Variants in CACNA2D3 observed in about 807,000 individuals in gnomAD.
CACNA2D3 encodes the protein voltage-dependent calcium channel subunit alpha-2/delta-3.
In CACNA2D3, 60 loss-of-function variants were observed where a neutral mutation model predicts 160.6. The ratio of observed to expected loss-of-function variants is 0.37; its 90% CI spans 0.30 to 0.46. CACNA2D3 has a LOEUF of 0.46. Ranked by LOEUF, CACNA2D3 falls within the 20% of genes least tolerant of loss-of-function variation. The pLI is 1.00. For synonymous variants in CACNA2D3, 558 were observed against 492.9 expected (o/e 1.13, Z -1.75); for missense variants, 1,205 against 1,365.0 (o/e 0.88, Z 1.85).
chr3:54,889,524 A>G (rs916871973), intron 24 of CACNA2D3, among the ~76,000 whole-genome samples: 1 of 152,040 alleles, frequency 6.6e-6, no homozygotes, highest in Non-Finnish European at 1.5e-5. Flanking sequence ...TCCCAGGTTT[A>G]TATCATGAGC....
At chr3:54,483,108 G>A (rs1700959876) in intron 4 of CACNA2D3, among the ~76,000 whole-genome samples, 1 of 152,196 alleles carries the variant, frequency 6.6e-6, no homozygotes, top group Admixed American at 6.5e-5. Flanking sequence ...GGCATTGAGA[G>A]CATGCGATTG....
chr3:54,354,600 A>C (rs988209689), intron 3 of CACNA2D3, among the ~76,000 whole-genome samples: 5 of 152,176 alleles, frequency 3.3e-5, no homozygotes, highest in African/African-American at 1.2e-4. Flanking sequence ...TCTTACTTCT[A>C]AGCAAAGCCA....
rs1701881312 is a variant in CACNA2D3 at position 54,752,627 on chromosome 3, G to A, written c.1196G>A (p.Arg399Gln). Residue 399 changes from arginine to glutamine, a missense_variant, in exon 12 of 38, where the codon CGA (arginine) becomes CAA (glutamine). By Grantham distance (43) the Arg-to-Gln change is conservative. This residue lies in a region of CACNA2D3 where 911 missense variants were observed against 1,002.2 expected (regional missense o/e 0.91). Coordinates refer to ENST00000474759, the MANE Select transcript of CACNA2D3 (RefSeq NM_018398.3). ...KVRIFTYLIG[R>Q]EAAFADNLKW... ...CGCATCTTCACATACCTCATTGGAC[G>A]AGAGGCTGCGTTTGCAGACAATCTA... 5.0e-6 allele frequency: 8 copies of A among 1,613,556 alleles called. No homozygotes were observed. The highest frequency in any genetic ancestry group is 6.8e-6 in the Non-Finnish European group (8 of 1,179,742).
At chr3:54,759,055 C>T (rs191514871) in intron 12 of CACNA2D3, among the ~76,000 whole-genome samples, 4 of 152,272 alleles carry the variant, frequency 2.6e-5, no homozygotes, top group Non-Finnish European at 4.4e-5. Flanking sequence ...ATCTCAGAAA[C>T]ACAAAGCACT....
chr3:54,817,343 A>G (rs571270775), intron 14 of CACNA2D3, among the ~76,000 whole-genome samples: 9 of 152,190 alleles, frequency 5.9e-5, no homozygotes, highest in Non-Finnish European at 1.0e-4. Flanking sequence ...TAGCTTCATC[A>G]TCCCAGAGAC....
chr3:54,611,913 G>A (rs963959106), intron 9 of CACNA2D3, among the ~76,000 whole-genome samples: 2 of 152,158 alleles, frequency 1.3e-5, no homozygotes, highest in Non-Finnish European at 2.9e-5. Context: ...TTTATCTTTC[G>A]AAAAGGATCA....
chr3:54,669,363 T>C (rs1299518770), intron 11 of CACNA2D3, among the ~76,000 whole-genome samples: 1 of 152,214 alleles, frequency 6.6e-6, no homozygotes, highest in Non-Finnish European at 1.5e-5. Context: ...GATGATCTCT[T>C]TTCATGAGGG....
At chr3:54,903,395 T>C (rs1382849328) in intron 27 of CACNA2D3, among the ~76,000 whole-genome samples, 4 of 152,252 alleles carry the variant, frequency 2.6e-5, no homozygotes, top group African/African-American at 7.2e-5. Flanking sequence ...CTCATTCTTT[T>C]TTTATGGCTG....
chr3:54,515,174 C>CTGTG (rs34453702), intron 5 of CACNA2D3, among the ~76,000 whole-genome samples: 7,850 of 134,260 alleles, frequency 0.058, 282 homozygotes, highest in East Asian at 0.16. Flanking sequence ...GTGTGTGTGT[C>CTGTG]TGTGTGTGTG....
intron 21 of CACNA2D3, 27 bp from the exon 22 acceptor site, chr3:54,885,254 C>A: frequency 1.5e-5 from 24 of 1,613,104 alleles, no homozygotes; most frequent in Non-Finnish European, 2.0e-5. Flanking sequence ...GATACTTATT[C>A]ATGAACCCCT....
At chr3:54,488,682 C>G (rs1701057929) in intron 4 of CACNA2D3, among the ~76,000 whole-genome samples, 1 of 152,166 alleles carries the variant, frequency 6.6e-6, no homozygotes, top group Non-Finnish European at 1.5e-5. Flanking sequence ...CTTCAACAGT[C>G]TCTACTGAGT....
intron 11 of CACNA2D3, 24 bp downstream of exon 11, chr3:54,642,265 G>T: frequency 1.4e-6 from 2 of 1,426,072 alleles, no homozygotes; most frequent in Non-Finnish European, 2.0e-6. Context: ...GATCCCGTCT[G>T]TGCGGTGGAC....
intron 3 of CACNA2D3, among the ~76,000 whole-genome samples, chr3:54,326,204 C>G (rs978030589): frequency 6.6e-6 from 1 of 152,044 alleles, no homozygotes; most frequent in East Asian, 1.9e-4. Flanking sequence ...TCCTAGGAAA[C>G]GAATATCAGT....
chr3:54,454,343 A>G (rs931900257), intron 4 of CACNA2D3, among the ~76,000 whole-genome samples: 1 of 151,394 alleles, frequency 6.6e-6, no homozygotes, highest in Non-Finnish European at 1.5e-5. Context: ...TCCCTCCCTC[A>G]CCCCCAAAAG....
At chr3:54,853,799 T>A (rs1004106484) in intron 17 of CACNA2D3, among the ~76,000 whole-genome samples, 1 of 152,068 alleles carries the variant, frequency 6.6e-6, no homozygotes, top group Non-Finnish European at 1.5e-5. Flanking sequence ...CTCCCCAGGA[T>A]CACTGACCTC....
intron 2 of CACNA2D3, among the ~76,000 whole-genome samples, chr3:54,309,606 C>G (rs1703684336): frequency 6.6e-6 from 1 of 152,120 alleles, no homozygotes; most frequent in Admixed American, 6.5e-5. Flanking sequence ...CACTCTAAAA[C>G]AGCTAGTTGG....
intron 2 of CACNA2D3, among the ~76,000 whole-genome samples, chr3:54,316,267 A>G (rs918576757): frequency 1.3e-5 from 2 of 152,184 alleles, no homozygotes; most frequent in Non-Finnish European, 2.9e-5. Flanking sequence ...TTGGTTTTCT[A>G]CTGTAGGTAC....
At chr3:54,487,282 C>A (rs1575484034) in intron 4 of CACNA2D3, among the ~76,000 whole-genome samples, 3 of 152,126 alleles carry the variant, frequency 2.0e-5, no homozygotes, top group African/African-American at 7.2e-5. Flanking sequence ...TTGGGAGCAT[C>A]GCTTGAGCCC....
chr3:54,298,502 A>G (rs1703389458), intron 2 of CACNA2D3, among the ~76,000 whole-genome samples: 1 of 152,218 alleles, frequency 6.6e-6, no homozygotes, highest in African/African-American at 2.4e-5. Context: ...CCTTAGGATT[A>G]AGAAGGAAGG....
Sources: allele counts gnomAD v4.1 joint callset (sites outside exome capture counted in the v4.1 genomes callset), GRCh38; gene constraint gnomAD v4.1.1; regional missense constraint gnomAD v4.1.1; transcripts MANE v1.5; gene names NCBI Gene and HGNC (gene_info 2026-07-23, HGNC 2026-07-21).